ZFHX3: variants seen among roughly 807,000 people sequenced by gnomAD.
ZFHX3 encodes zinc finger homeobox 3.
Under a neutral mutation model 279.1 loss-of-function variants are expected in ZFHX3, and 42 were observed. The ratio of observed to expected loss-of-function variants is 0.15; its 90% CI spans 0.12 to 0.19. The LOEUF (loss-of-function observed/expected upper bound fraction) is 0.19. Ranked by LOEUF, ZFHX3 falls within the 10% of genes least tolerant of loss-of-function variation. The pLI is 1.00. For missense variants in ZFHX3, 4,981 were observed against 4,754.0 expected (o/e 1.05, Z -1.40); for synonymous variants, 2,293 against 1,957.8 (o/e 1.17, Z -4.52).
At chr16:73,328,612 C>T (rs1567451850) in intron 3 of ZFHX3, among the ~76,000 whole-genome samples, 1 of 152,174 alleles carries the variant, frequency 6.6e-6, no homozygotes, top group Non-Finnish European at 1.5e-5. Context: ...CTCAGACTCA[C>T]CTGTATCCAG....
chr16:73,061,371 C>CCTT (rs1491257992), upstream of ZFHX3: 2 of 133,794 alleles, frequency 1.5e-5, no homozygotes. Context: ...TCTTTCTTGC[C>CCTT]TTTTTTTTTT....
rs181172010 is a variant in ZFHX3 at position 73,543,748 on chromosome 16, A to C, written c.-1546-87490T>G. Among the ~76,000 whole-genome samples, 703 of 141,030 alleles carry C rather than the reference A, an allele frequency of 5.0e-3. 7 individuals are homozygous for C. The highest frequency in any genetic ancestry group is 7.3e-3 in the Middle Eastern group (2 of 274). The allele number at this position is 141,030 out of a possible 152,430, so 92.5% of individuals were successfully genotyped here. On this transcript the variant is annotated intron_variant, in intron 2 of 17. Coordinates refer to the ZFHX3 transcript ENST00000641206. ...CTTCTCTTCTCCTCCCAGCTTCTCT[A>C]TCAAGGAATGATGTACTCAGACTGT...
rs546410715 is a variant in ZFHX3, at chr16:72,891,163, T to C, written c.3217-1201A>G. Among the ~76,000 whole-genome samples the C allele has an allele frequency of 6.6e-5, 10 of 152,362 alleles. No homozygotes were observed. The South Asian group carries it at 2.1e-3, about 32-fold the overall frequency. On this transcript the variant is annotated intron_variant, in intron 3 of 9. Coordinates refer to ENST00000268489, the MANE Select transcript of ZFHX3 (RefSeq NM_006885.4). ...TCTCCAGACTAGTTCCCTGTCAATA[T>C]CTCAAAGTCCCCTGGCTTATCATTG...
chr16:73,036,019 A>G (rs1964888066), intron 1 of ZFHX3, among the ~76,000 whole-genome samples: 2 of 152,236 alleles, frequency 1.3e-5, no homozygotes, highest in African/African-American at 4.8e-5. Context: ...TCAAGAGAAG[A>G]CTTCTCCCTT....
chr16:73,552,028 TGTGA>T (rs1264461406), intron 2 of ZFHX3, among the ~76,000 whole-genome samples: 3 of 152,122 alleles, frequency 2.0e-5, no homozygotes, highest in Non-Finnish European at 4.4e-5. Flanking sequence ...AGTGTGTGTG[TGTGA>T]GAGAGAGAGA....
chr16:73,773,766 G>T (rs2054046539), intron 1 of ZFHX3, among the ~76,000 whole-genome samples: 1 of 152,242 alleles, frequency 6.6e-6, no homozygotes, highest in African/African-American at 2.4e-5. Context: ...CACCTAGGGG[G>T]CAAATGTAAA....
At chr16:73,701,377 T>G (rs1469681537) in intron 1 of ZFHX3, among the ~76,000 whole-genome samples, 2 of 152,140 alleles carry the variant, frequency 1.3e-5, no homozygotes, top group East Asian at 3.8e-4. Flanking sequence ...TTTAAAGTCT[T>G]CAAAAATGTC....
intron 4 of ZFHX3, among the ~76,000 whole-genome samples, chr16:73,275,587 T>A (rs146995426): frequency 6.6e-6 from 1 of 152,294 alleles, no homozygotes; most frequent in East Asian, 1.9e-4. Flanking sequence ...CTCAATAAAG[T>A]GAGTAGCACA....
At chr16:72,972,281 C>T (rs969533841) in intron 1 of ZFHX3, among the ~76,000 whole-genome samples, 1 of 152,090 alleles carries the variant, frequency 6.6e-6, no homozygotes, top group African/African-American at 2.4e-5. Flanking sequence ...TGATCCCTCC[C>T]CCTTGAGTTC....
chr16:73,019,265 G>T (rs928320735), intron 1 of ZFHX3, among the ~76,000 whole-genome samples: 1 of 152,192 alleles, frequency 6.6e-6, no homozygotes, highest in Non-Finnish European at 1.5e-5. Context: ...GTCTCAGGAA[G>T]GTGGCTCTCA....
chr16:73,454,949 T>G (rs986435686), intron 3 of ZFHX3, among the ~76,000 whole-genome samples: 1 of 152,124 alleles, frequency 6.6e-6, no homozygotes, highest in African/African-American at 2.4e-5. Context: ...GGGCTTTGAT[T>G]TATCTTCTCC....
intron 1 of ZFHX3, among the ~76,000 whole-genome samples, chr16:72,984,520 G>C (rs1404834849): frequency 6.6e-6 from 1 of 151,972 alleles, no homozygotes; most frequent in Non-Finnish European, 1.5e-5. Context: ...CAGCTACTTG[G>C]GAGGCTGAGG....
intron 1 of ZFHX3, among the ~76,000 whole-genome samples, chr16:73,792,958 A>C (rs1959878321): frequency 6.6e-6 from 1 of 150,848 alleles, no homozygotes. Context: ...GTCACCCTGC[A>C]CATTCCCAGA....
chr16:72,886,733 C>A (rs1279346907), intron 4 of ZFHX3, among the ~76,000 whole-genome samples: 1 of 152,126 alleles, frequency 6.6e-6, no homozygotes, highest in Non-Finnish European at 1.5e-5. Flanking sequence ...GAAGGAGAAT[C>A]CGGGGAATGA....
In ZFHX3 at chr16:72,794,974, G is replaced by C. The variant is rs750286812; in HGVS notation, c.7708C>G (p.Leu2570Val). The C allele has an allele frequency of 6.2e-7, 1 of 1,614,176 alleles. No individual in the cohort carries two copies. Among genetic ancestry groups the C allele is most frequent in the Non-Finnish European group, 8.5e-7 (1 of 1,180,044 alleles). Residue 2570 changes from leucine (L) to valine (V), a missense_variant, in exon 9 of 10, where the codon CTG becomes GTG. Physicochemically the swap from Leu to Val is conservative, Grantham distance 32. Transcript: ENST00000268489. The surrounding 1 kb of genome is among the most constrained non-coding windows in gnomAD (Gnocchi z 4.2). The stretch of plus-strand genomic sequence containing the variant: ...TCAAAGAGCATGAAAGGCATATCCA[G>C]GGACCTGTCCAAAAACTGGGGGTGG... Reference protein sequence around the residue: ...FIHPQFLDRSLDMPFMLFDPS... With the variant: ...FIHPQFLDRSVDMPFMLFDPS...
At position 72,785,514 on chromosome 16, in the gene ZFHX3, T is replaced by TATTA; in HGVS notation, c.*1646_*1649dup. The stretch of plus-strand genomic sequence containing the variant: ...GAATCTTTTGTTTTTCTCTTTCTTT[T>TATTA]ATTAAACTAAGTCTTGTTTGTTTAA... On this transcript the variant is annotated 3_prime_UTR_variant, in exon 10 of 10. Coordinates refer to ENST00000268489, the MANE Select transcript of ZFHX3 (RefSeq NM_006885.4). The TATTA allele has an allele frequency of 6.5e-6, 1 of 152,802 alleles. No individual in the cohort carries two copies. Among genetic ancestry groups the TATTA allele is most frequent in the African/African-American group, 2.4e-5 (1 of 41,588 alleles). 9.5% of individuals were successfully genotyped at this position (152,802 alleles called of 1,614,324 possible). A position where few individuals can be genotyped will look rare whatever the true frequency, so the allele number is the denominator to read the frequency against.
rs556105270 is a variant in ZFHX3, at chr16:73,156,646, C to G, written c.-1103-12815G>C. Among the ~76,000 whole-genome samples, 3 of 152,294 alleles carry G rather than the reference C, an allele frequency of 2.0e-5. No individual in the cohort carries two copies. In the East Asian group the frequency reaches 5.8e-4, roughly 29 times the overall value. On this transcript the variant is annotated intron_variant, in intron 5 of 17. Transcript: ENST00000641206. ...TCCTGGCTCTCTGCAGCCTCGACCTCCTGGGTTCAAGTGATCCTCCCACTT... is the reference window on the plus strand; with the variant it reads ...TCCTGGCTCTCTGCAGCCTCGACCTGCTGGGTTCAAGTGATCCTCCCACTT...
intron 3 of ZFHX3, among the ~76,000 whole-genome samples, chr16:72,942,639 T>C (rs1474245265): frequency 6.6e-6 from 1 of 152,180 alleles, no homozygotes; most frequent in Admixed American, 6.5e-5. Flanking sequence ...CTGAAAACAG[T>C]TTATACTGGA....
rs1567437573 is a variant in ZFHX3 at position 73,877,200 on chromosome 16, GTC to G, written c.-1608+14449_-1608+14450del. On this transcript the variant is annotated intron_variant, in intron 1 of 17. Transcript: ENST00000641206. ...GAGATGGTTGGGTTCGGGGGGTTAG[GTC>G]GGGGGGGGGTCCCAGGCACTTGCTT... 5.6e-3 allele frequency among the ~76,000 whole-genome samples: 632 copies of G among 113,798 alleles called. 8 individuals carry two copies. The highest frequency in any genetic ancestry group is 0.019 in the African/African-American group (590 of 30,884). The allele number at this position is 113,798 out of a possible 152,430, so 74.7% of individuals were successfully genotyped here.
Sources: allele counts gnomAD v4.1 joint callset (sites outside exome capture counted in the v4.1 genomes callset), GRCh38; gene constraint gnomAD v4.1.1; non-coding constraint Gnocchi (gnomAD v3.1); transcripts MANE v1.5; gene names NCBI Gene and HGNC (gene_info 2026-07-23, HGNC 2026-07-21).